Variants in TJP1 observed in about 807,000 individuals in gnomAD.
The protein encoded by TJP1 is tight junction protein ZO-1.
TJP1 carries 43 observed loss-of-function variants against 194.2 expected under a neutral mutation model. The ratio of observed to expected loss-of-function variants is 0.22; its 90% confidence interval spans 0.17 to 0.29. The LOEUF is 0.29. Ranked by LOEUF, TJP1 falls within the 10% of genes least tolerant of loss-of-function variation. TJP1 has a pLI of 1.00. For synonymous variants in TJP1, 801 were observed against 779.0 expected (o/e 1.03, Z -0.47); for missense variants, 1,971 against 2,185.7 (o/e 0.90, Z 1.96).
intron 2 of TJP1, among the ~76,000 whole-genome samples, chr15:29,846,968 C>A (rs1327741435): frequency 1.3e-5 from 2 of 151,946 alleles, no homozygotes; most frequent in African/African-American, 4.8e-5. Context: ...GGGCTGAGAT[C>A]AAGGAAAATG....
At chr15:29,945,975 A>G (rs2152291709) in intron 2 of TJP1, among the ~76,000 whole-genome samples, 1 of 152,320 alleles carries the variant, frequency 6.6e-6, no homozygotes, top group East Asian at 1.9e-4. Context: ...ATACTCCATC[A>G]AAGGGAACCA....
intron 2 of TJP1, among the ~76,000 whole-genome samples, chr15:29,877,556 TTTC>T (rs2052749798): frequency 6.6e-6 from 1 of 152,140 alleles, no homozygotes; most frequent in African/African-American, 2.4e-5. Context: ...CTTTTCTTTC[TTTC>T]TTTTTCTCTT....
Position 29,848,862 on chromosome 15 carries a change from T to TA in TJP1, c.307-48161dup, listed in dbSNP as rs924138309. Among the ~76,000 whole-genome samples, 124 of 144,492 alleles carry TA rather than the reference T, an allele frequency of 8.6e-4. 1 individual carries two copies. The highest frequency in any genetic ancestry group is 2.2e-3 in the East Asian group (11 of 5,014). The allele number at this position is 144,492 out of a possible 152,430, so 94.8% of individuals were successfully genotyped here. A position where few individuals can be genotyped will look rare whatever the true frequency, so the allele number is the denominator to read the frequency against. On this transcript the variant is annotated intron_variant, in intron 2 of 28. Coordinates refer to the TJP1 transcript ENST00000356107. Reference sequence around the variant, plus strand: ...GACAGAGTGAGACTCCATCTCAAAATAAAAAAAAAAAGAAACTATTATCCC... The same window carrying TA: ...GACAGAGTGAGACTCCATCTCAAAATAAAAAAAAAAAAGAAACTATTATCCC...
intron 2 of TJP1, among the ~76,000 whole-genome samples, chr15:29,882,404 C>T (rs538103805): frequency 1.6e-3 from 240 of 152,286 alleles, no homozygotes; most frequent in African/African-American, 5.6e-3. Context: ...TTCCTGGCAA[C>T]ACTTGGAGAT....
At chr15:29,863,154 G>A (rs2052158021) in intron 2 of TJP1, among the ~76,000 whole-genome samples, 1 of 151,844 alleles carries the variant, frequency 6.6e-6, no homozygotes, top group South Asian at 2.1e-4. Context: ...AAATTAGCTG[G>A]GTGTGGTGGC....
Position 29,741,426 on chromosome 15 carries a change from A to G in TJP1, c.1161T>C (p.Pro387=). The change falls in exon 10 of 28, where the codon CCT becomes CCC. Residue 387 remains proline, a synonymous_variant. Transcript: ENST00000614355. ...KQTPSLPEPK[P]VYAQVGQPDV... The stretch of plus-strand genomic sequence containing the variant: ...CTGGTTGCCCAACTTGGGCATACAC[A>G]GGCTTTGGTTCTAAGAAAAAAAAAA... The G allele has an allele frequency of 6.2e-7, 1 of 1,607,278 alleles. No homozygotes were observed. Among genetic ancestry groups the G allele is most frequent in the Non-Finnish European group, 8.5e-7 (1 of 1,177,702 alleles).
chr15:29,949,655 T>TCCA (rs2055542759), intron 2 of TJP1, among the ~76,000 whole-genome samples: 5 of 44,706 alleles, frequency 1.1e-4, no homozygotes, highest in Non-Finnish European at 2.2e-4. Flanking sequence ...CACCACCACC[T>TCCA]CCACCTCCAC....
intron 2 of TJP1, among the ~76,000 whole-genome samples, chr15:29,854,654 T>G (rs990980604): frequency 6.6e-6 from 1 of 152,140 alleles, no homozygotes; most frequent in African/African-American, 2.4e-5. Flanking sequence ...CTATTTCTAT[T>G]GCTAAAGTCA....
chr15:29,955,101 ATAGAG>A (rs1299880185), intron 2 of TJP1, among the ~76,000 whole-genome samples: 2 of 152,120 alleles, frequency 1.3e-5, no homozygotes, highest in Admixed American at 6.5e-5. Flanking sequence ...AATAATAATA[ATAGAG>A]TATTCACATT....
rs1214517516 is a variant in TJP1 at position 29,822,459 on chromosome 15, C to T, written c.-431G>A. On this transcript the variant is annotated 5_prime_UTR_variant, in exon 1 of 28. Coordinates refer to ENST00000614355, the MANE Select transcript of TJP1 (RefSeq NM_001330239.4). ...GCTGGCTCAGCCGGCGCCGGCAACT[C>T]AGCGGCCACGCAAACCTGCCGGCCC... 49 of 986,046 alleles carry T rather than the reference C, an allele frequency of 5.0e-5. No homozygotes were observed. Among genetic ancestry groups the T allele is most frequent in the Admixed American group, 1.2e-4 (2 of 16,274 alleles). The allele number at this position is 986,046 out of a possible 1,614,324, so 61.1% of individuals were successfully genotyped here. A position where few individuals can be genotyped will look rare whatever the true frequency, so the allele number is the denominator to read the frequency against.
At position 29,700,198 on chromosome 15, in the gene TJP1, T is replaced by C. The variant is rs2041455512; in HGVS notation, c.*1397A>G. On this transcript the variant is annotated 3_prime_UTR_variant, in exon 28 of 28. Transcript: ENST00000614355. Reference sequence around the variant, plus strand: ...TTGGAGATTTAGAAATTTGAGATTTTTAATAACGGCAAAAGAAATTCAGTC... The same window carrying C: ...TTGGAGATTTAGAAATTTGAGATTTCTAATAACGGCAAAAGAAATTCAGTC... 1 of 398,828 alleles carries C rather than the reference T, an allele frequency of 2.5e-6. No individual in the cohort carries two copies. The highest frequency in any genetic ancestry group is 4.4e-5 in the Admixed American group (1 of 22,724). The allele number at this position is 398,828 out of a possible 1,614,324, so 24.7% of individuals were successfully genotyped here.
chr15:29,835,343 G>A (rs907999089), intron 2 of TJP1, among the ~76,000 whole-genome samples: 9 of 152,132 alleles, frequency 5.9e-5, no homozygotes, highest in African/African-American at 2.2e-4. Context: ...TAAAAGCTGG[G>A]CACATTTAAA....
chr15:29,761,019 C>T (rs2045966833), intron 8 of TJP1, 120 bp downstream of exon 8: 2 of 1,234,016 alleles, frequency 1.6e-6, no homozygotes, highest in South Asian at 1.9e-5. Context: ...TTGAGAAAAA[C>T]AGATCTAATC....
chr15:29,754,989 A>G (rs2045555457), intron 8 of TJP1, among the ~76,000 whole-genome samples: 1 of 152,200 alleles, frequency 6.6e-6, no homozygotes, highest in African/African-American at 2.4e-5. Flanking sequence ...GTAAATAAAA[A>G]ACTAGATCTT....
In TJP1 at chr15:29,719,852, TG is replaced by T; in HGVS notation, c.2927del (p.Thr976AsnfsTer9). 6.2e-7 allele frequency: 1 copy of T among 1,614,212 alleles called. No homozygotes were observed. The highest frequency in any genetic ancestry group is 8.5e-7 in the Non-Finnish European group (1 of 1,180,034). On this transcript the variant is annotated frameshift_variant, in exon 20 of 28. Transcript: ENST00000614355. LOFTEE classifies it high-confidence loss of function. ...TTATGTGAGCTGCCTCAGTACTTGGTGTTCTTAAAGAATCAGCTTGTGGTGA... is the reference window on the plus strand; with the variant it reads ...TTATGTGAGCTGCCTCAGTACTTGGTTTCTTAAAGAATCAGCTTGTGGTGA... ...SYSPQADSLR[T>X]PSTEAAHIML...
At chr15:29,953,626 T>C (rs186168298) in intron 2 of TJP1, among the ~76,000 whole-genome samples, 4 of 152,268 alleles carry the variant, frequency 2.6e-5, no homozygotes, top group East Asian at 1.9e-4. Context: ...AAATCAGTTA[T>C]TGCTTTTCTA....
chr15:29,889,827 A>C (rs531556841), intron 2 of TJP1, among the ~76,000 whole-genome samples: 5 of 152,360 alleles, frequency 3.3e-5, no homozygotes, highest in African/African-American at 9.6e-5. Flanking sequence ...GTTTTACAAA[A>C]GTCATTTAGT....
intron 1 of TJP1, chr15:29,968,166 C>T: frequency 1.1e-5 from 11 of 985,414 alleles, no homozygotes; most frequent in Non-Finnish European, 1.3e-5. Context: ...CCTGACAATG[C>T]AATAATAATT....
intron 2 of TJP1, among the ~76,000 whole-genome samples, chr15:29,774,259 G>C (rs888404172): frequency 6.6e-6 from 1 of 151,666 alleles, no homozygotes. Flanking sequence ...TTTTCACCAT[G>C]AATAGTGCAT....
Sources: allele counts gnomAD v4.1 joint callset (sites outside exome capture counted in the v4.1 genomes callset), GRCh38; gene constraint gnomAD v4.1.1; transcripts MANE v1.5; gene names NCBI Gene and HGNC (gene_info 2026-07-23, HGNC 2026-07-21).